Variants in COL17A1 observed in about 807,000 individuals in gnomAD.
The protein encoded by COL17A1 is collagen type XVII alpha 1 chain, also known as collagen alpha-1(XVII) chain.
A neutral mutation model predicts 218.4 loss-of-function variants in COL17A1; 181 were observed. The observed-to-expected ratio is 0.83, with a 90% CI of 0.73 to 0.94. COL17A1 has a LOEUF of 0.94. Ranked by LOEUF, COL17A1 falls within the 40% of genes least tolerant of loss-of-function variation. The pLI is 0.00. For missense variants in COL17A1, 1,924 were observed against 1,945.9 expected, an observed-to-expected ratio of 0.99 and a Z score of 0.21; for synonymous variants, 721 against 731.0, an observed-to-expected ratio of 0.99 and a Z score of 0.22.
In COL17A1 at chr10:104,065,450, T is replaced by C. The variant is rs117495907; in HGVS notation, c.608-854A>G. On this transcript the variant is annotated intron_variant, in intron 9 of 55. Coordinates refer to ENST00000648076, the MANE Select transcript of COL17A1 (RefSeq NM_000494.4). ...CATGTAATATGGAACAGCTGAACAA[T>C]GCTCATCCTACTTGACTGGGACATG... Among the ~76,000 whole-genome samples the C allele has an allele frequency of 5.9e-3, 894 of 152,304 alleles. 4 individuals carry two copies. The highest frequency in any genetic ancestry group is 0.02 in the Middle Eastern group (6 of 294).
intron 13 of COL17A1, 83 bp downstream of exon 13, chr10:104,061,322 G>A (rs1564681480): frequency 7.4e-7 from 1 of 1,353,176 alleles, no homozygotes; most frequent in Non-Finnish European, 1.0e-6. Context: ...CATGTGTATT[G>A]GAAGGATACA....
rs968032861 is a variant in COL17A1, at chr10:104,070,574, G to T, written c.464-5C>A. 6 of 1,614,184 alleles carry T rather than the reference G, an allele frequency of 3.7e-6. No homozygotes were observed. The highest frequency in any genetic ancestry group is 1.6e-4 in the Middle Eastern group (1 of 6,062). ...TAACATCATCCAATTCTGTCCCTGT[G>T]AAAGAATCCACAGACGTTTCTGTTA... On this transcript the variant is annotated splice_region_variant and splice_polypyrimidine_tract_variant and intron_variant, in intron 8 of 55. Transcript: ENST00000648076.
At chr10:104,081,914 G>T (rs1029348667) in intron 1 of COL17A1, among the ~76,000 whole-genome samples, 1 of 152,186 alleles carries the variant, frequency 6.6e-6, no homozygotes, top group Non-Finnish European at 1.5e-5. Flanking sequence ...TTGTAAAATA[G>T]AATTTTAAAA....
rs2086610247 is a variant in COL17A1, at chr10:104,064,529, C to A, written c.675G>T (p.Leu225=). The change falls in exon 10 of 56, where the codon CTG becomes CTT. Residue 225 remains leucine, a synonymous_variant. Coordinates refer to ENST00000648076, the MANE Select transcript of COL17A1 (RefSeq NM_000494.4). Reference sequence around the variant, plus strand: ...AGGTCCCCATGGAGGACCCCGCGGGCAGGGTGGAGGACCACACATGGGAGG... The same window carrying A: ...AGGTCCCCATGGAGGACCCCGCGGGAAGGGTGGAGGACCACACATGGGAGG... ...NLPSHVWSST[L]PAGSSMGTYH... 6.2e-7 allele frequency: 1 copy of A among 1,613,942 alleles called. No individual in the cohort carries two copies. Among genetic ancestry groups the A allele is most frequent in the Non-Finnish European group, 8.5e-7 (1 of 1,180,010 alleles).
chr10:104,084,870 G>A (rs138191191), intron 1 of COL17A1, among the ~76,000 whole-genome samples: 18 of 152,266 alleles, frequency 1.2e-4, no homozygotes, highest in Non-Finnish European at 1.0e-4. Flanking sequence ...ATCTTGCTAC[G>A]TTTTACAAGT....
At chr10:104,077,692 C>T (rs952669071) in intron 3 of COL17A1, among the ~76,000 whole-genome samples, 166 bp from the exon 4 acceptor site, 10 of 113,842 alleles carry the variant, frequency 8.8e-5, no homozygotes, top group Admixed American at 3.9e-4. Flanking sequence ...GCTCCAGTTT[C>T]GTTGGTTTTT....
rs745724377 is a variant in COL17A1, at chr10:104,034,156, T to C, written c.3945A>G (p.Gly1315=). ...SSYSSSMSTG[G]GGAGSLGAGG... is the part of the protein sequence containing the mutation. ...CTGCACCCAGGGAGCCTGCACCACC[T>C]CCTCCTGTGCTCATGGAAGAGCTGT... The change falls in exon 52 of 56, where the codon GGA becomes GGG. Residue 1315 remains glycine (G), a synonymous_variant. Coordinates refer to ENST00000648076, the MANE Select transcript of COL17A1 (RefSeq NM_000494.4). 2 of 1,613,434 alleles carry C rather than the reference T, an allele frequency of 1.2e-6. No homozygotes were observed. Among genetic ancestry groups the C allele is most frequent in the African/African-American group, 2.7e-5 (2 of 74,874 alleles).
chr10:104,050,458 G>C (rs538830053), intron 27 of COL17A1, among the ~76,000 whole-genome samples, 163 bp downstream of exon 27: 1 of 152,242 alleles, frequency 6.6e-6, no homozygotes, highest in South Asian at 2.1e-4. Flanking sequence ...TTAGTGCTTT[G>C]TTTCCCTTCT....
At chr10:104,063,479 C>T in intron 11 of COL17A1, 1 of 510,352 alleles carries the variant, frequency 2.0e-6, no homozygotes. Context: ...CCGTTAGACC[C>T]TTCATTTCCA....
intron 15 of COL17A1, among the ~76,000 whole-genome samples, 196 bp from the exon 16 acceptor site, chr10:104,058,386 CAATT>C (rs2086551680): frequency 1.3e-5 from 2 of 152,156 alleles, no homozygotes; most frequent in Admixed American, 1.3e-4. Flanking sequence ...GCTTGGCAAA[CAATT>C]AATGGTGGAA....
intron 8 of COL17A1, 25 bp downstream of exon 8, chr10:104,072,007 T>G (rs753657296): frequency 6.2e-7 from 1 of 1,614,038 alleles, no homozygotes; most frequent in Non-Finnish European, 8.5e-7. Flanking sequence ...GACCCTTTCT[T>G]TTCAGCAAGA....
At chr10:104,061,525 G>A (rs760198905) in intron 12 of COL17A1, 52 bp from the exon 13 acceptor site, 2 of 1,545,180 alleles carry the variant, frequency 1.3e-6, no homozygotes, top group Middle Eastern at 1.8e-4. Context: ...AGGTGACTCA[G>A]GAGAAGCCTG....
At chr10:104,038,114 T>C (rs997843996) in intron 45 of COL17A1, among the ~76,000 whole-genome samples, 1 of 151,986 alleles carries the variant, frequency 6.6e-6, no homozygotes, top group Non-Finnish European at 1.5e-5. Context: ...CCCCAGGGTG[T>C]GGGCGAGGTG....
chr10:104,055,089 G>C, intron 19 of COL17A1, 82 bp from the exon 20 acceptor site: 1 of 1,600,106 alleles, frequency 6.2e-7, no homozygotes, highest in Non-Finnish European at 8.5e-7. Context: ...AAAACCATTT[G>C]ACAAGATGTA....
At chr10:104,035,667 GAA>G in intron 48 of COL17A1, 104 bp from the exon 49 acceptor site, 1 of 878,530 alleles carries the variant, frequency 1.1e-6, no homozygotes, top group Admixed American at 2.4e-5. Flanking sequence ...TGGGGTCCAA[GAA>G]AGAAAAGAGA....
chr10:104,053,860 T>C lies in COL17A1; in HGVS notation c.1834+60A>G. The C allele has an allele frequency of 4.0e-6, 4 of 991,136 alleles. 1 individual carries two copies. The South Asian group carries it at 5.4e-5, about 13-fold the overall frequency. The allele number at this position is 991,136 out of a possible 1,614,324, so 61.4% of individuals were successfully genotyped here. ...TCACATACAGCAGGCACTTAATGAA[T>C]GTTTATTAAATGAATGAAAGAATGA... On this transcript the variant is annotated intron_variant, in intron 22 of 55. Transcript: ENST00000648076.
At chr10:104,039,406 C>T (rs755861947) in intron 43 of COL17A1, 39 bp downstream of exon 43, 125 of 1,604,134 alleles carry the variant, frequency 7.8e-5, no homozygotes, top group Non-Finnish European at 9.7e-5. Flanking sequence ...CCAGGCTCAC[C>T]CCTACTCCTC....
At chr10:104,063,038 T>C (rs905209435) in intron 11 of COL17A1, among the ~76,000 whole-genome samples, 2 of 152,200 alleles carry the variant, frequency 1.3e-5, no homozygotes, top group African/African-American at 4.8e-5. Context: ...TCTTCTGGAT[T>C]TGGTGGGCCT....
In COL17A1 at chr10:104,038,459, G is replaced by A. The variant is rs778775780; in HGVS notation, c.3017C>T (p.Ser1006Phe). The change falls in exon 45 of 56, where the codon TCT becomes TTT. Residue 1006 changes from serine to phenylalanine, a missense_variant. Transcript: ENST00000648076. ...GPPGPPGPPG[S>F]ISSSGQEIQQ... ...AATCTCCTGGCCAGAGCTGCTGATA[G>A]AGCCCGGAGGCCCAGGGGGCCCAGG... is the stretch of plus-strand genomic sequence containing the variant. The A allele has an allele frequency of 4.3e-6, 7 of 1,614,038 alleles. No homozygotes were observed. The highest frequency in any genetic ancestry group is 2.2e-5 in the East Asian group (1 of 44,868).
Sources: gnomAD v4.1 joint callset for allele counts (sites outside exome capture counted in the v4.1 genomes callset) on GRCh38, gnomAD v4.1.1 for gene constraint, MANE v1.5 for transcripts, NCBI Gene and HGNC (gene_info 2026-07-23, HGNC 2026-07-21) for gene names.